The following L3MBTL4 variants were observed in gnomAD, a reference collection of about 807,000 sequenced individuals.
L3MBTL4 encodes L3MBTL histone methyl-lysine binding protein 4, also known as lethal(3)malignant brain tumor-like protein 4.
A neutral mutation model predicts 84.5 loss-of-function variants in L3MBTL4; 70 were observed. That is an observed-to-expected ratio of 0.83 (90% confidence interval 0.68 to 1.01). The LOEUF (loss-of-function observed/expected upper bound fraction) is 1.01. Ranked by LOEUF, L3MBTL4 falls within the 50% of genes least tolerant of loss-of-function variation. L3MBTL4 has a pLI of 0.00. For missense variants in L3MBTL4, 715 were observed against 754.8 expected (o/e 0.95, Z 0.62); for synonymous variants, 274 against 259.8 (o/e 1.05, Z -0.52).
intron 1 of L3MBTL4, among the ~76,000 whole-genome samples, chr18:6,389,371 T>C (rs1481468339): frequency 3.3e-5 from 5 of 152,050 alleles, no homozygotes. Context: ...TAAAAACCTG[T>C]AAAACAACAA....
intron 1 of L3MBTL4, among the ~76,000 whole-genome samples, chr18:6,379,228 G>A (rs569380579): frequency 8.3e-4 from 127 of 152,296 alleles, no homozygotes; most frequent in Middle Eastern, 6.8e-3. Flanking sequence ...CTGAGATCAT[G>A]GGGTTTTCTA....
intron 1 of L3MBTL4, among the ~76,000 whole-genome samples, chr18:6,407,411 G>T (rs2055781936): frequency 6.6e-6 from 1 of 152,110 alleles, no homozygotes; most frequent in Admixed American, 6.5e-5. Flanking sequence ...AAAAATCATT[G>T]TTCTAACCAT....
At chr18:5,962,708 C>T (rs188302840) in intron 17 of L3MBTL4, among the ~76,000 whole-genome samples, 1 of 152,198 alleles carries the variant, frequency 6.6e-6, no homozygotes, top group Non-Finnish European at 1.5e-5. Context: ...GACCACAGCG[C>T]TGCAGGAAGC....
intron 13 of L3MBTL4, among the ~76,000 whole-genome samples, chr18:6,149,393 G>C (rs1389552139): frequency 6.6e-6 from 1 of 151,648 alleles, no homozygotes; most frequent in Non-Finnish European, 1.5e-5. Flanking sequence ...ATTTTTTATG[G>C]CTGCATAGTA....
intron 13 of L3MBTL4, among the ~76,000 whole-genome samples, chr18:6,170,664 C>G (rs1255120266): frequency 6.6e-6 from 1 of 152,056 alleles, no homozygotes; most frequent in African/African-American, 2.4e-5. Context: ...CAATGCTGGT[C>G]CACGCCTACC....
intron 1 of L3MBTL4, among the ~76,000 whole-genome samples, chr18:6,384,574 A>C (rs1348193064): frequency 2.0e-5 from 3 of 152,246 alleles, no homozygotes; most frequent in Non-Finnish European, 4.4e-5. Context: ...TATTTCTAAC[A>C]ATGCCGCAAT....
At chr18:6,112,008 C>G (rs749140552) in intron 14 of L3MBTL4, among the ~76,000 whole-genome samples, 1 of 152,162 alleles carries the variant, frequency 6.6e-6, no homozygotes, top group Non-Finnish European at 1.5e-5. Flanking sequence ...AATCACCTTT[C>G]TACCCTCTGC....
chr18:6,361,334 A>G (rs1315253174), intron 1 of L3MBTL4, among the ~76,000 whole-genome samples: 1 of 152,156 alleles, frequency 6.6e-6, no homozygotes, highest in African/African-American at 2.4e-5. Context: ...TCTCTTGCCA[A>G]CATCTCTTTC....
intron 13 of L3MBTL4, among the ~76,000 whole-genome samples, chr18:6,170,785 G>A (rs1188573091): frequency 6.6e-6 from 1 of 152,096 alleles, no homozygotes; most frequent in Non-Finnish European, 1.5e-5. Context: ...ACATGCTGGG[G>A]TGTGAAACCA....
intron 17 of L3MBTL4, among the ~76,000 whole-genome samples, chr18:5,966,256 T>C (rs778676086): frequency 2.0e-5 from 3 of 152,226 alleles, no homozygotes; most frequent in Non-Finnish European, 2.9e-5. Flanking sequence ...TGGTGTCTAT[T>C]CTTATTGCAT....
chr18:6,157,366 T>C (rs1568218430), intron 13 of L3MBTL4, among the ~76,000 whole-genome samples: 2 of 152,194 alleles, frequency 1.3e-5, no homozygotes, highest in Non-Finnish European at 2.9e-5. Flanking sequence ...ATTAATTGCT[T>C]CACATCTGGC....
chr18:6,241,523 C>G, intron 7 of L3MBTL4, 74 bp from the exon 8 acceptor site: 1 of 816,128 alleles, frequency 1.2e-6, no homozygotes, highest in Non-Finnish European at 2.0e-6. Flanking sequence ...TAGGTTGGTG[C>G]AAAAGTAAGT....
intron 12 of L3MBTL4, among the ~76,000 whole-genome samples, chr18:6,180,413 C>G (rs533116942): frequency 1.3e-5 from 2 of 152,024 alleles, no homozygotes; most frequent in Non-Finnish European, 2.9e-5. Flanking sequence ...GTTTTGGAAC[C>G]GGCTGCCCCT....
At chr18:6,090,598 A>C (rs111782343) in intron 15 of L3MBTL4, among the ~76,000 whole-genome samples, 15 of 69,278 alleles carry the variant, frequency 2.2e-4, no homozygotes, top group African/African-American at 1.1e-3. Context: ...ATATATACAC[A>C]CACACACACA....
At chr18:6,003,648 G>A (rs1485780939) in intron 16 of L3MBTL4, among the ~76,000 whole-genome samples, 1 of 151,996 alleles carries the variant, frequency 6.6e-6, no homozygotes, top group Non-Finnish European at 1.5e-5. Context: ...TATATATTAA[G>A]CCACAAATCA....
chr18:6,074,318 CT>C (rs2057788099), intron 16 of L3MBTL4, among the ~76,000 whole-genome samples: 1 of 152,136 alleles, frequency 6.6e-6, no homozygotes, highest in African/African-American at 2.4e-5. Context: ...CTTTACTGTA[CT>C]TTCATATTTG....
chr18:6,309,911 C>A (rs771329282), intron 3 of L3MBTL4, among the ~76,000 whole-genome samples: 1 of 150,688 alleles, frequency 6.6e-6, no homozygotes, highest in Admixed American at 6.6e-5. Context: ...ACATGCTTAG[C>A]GGTAAGATGC....
At chr18:6,304,131 T>C (rs929786807) in intron 3 of L3MBTL4, among the ~76,000 whole-genome samples, 16 of 152,206 alleles carry the variant, frequency 1.1e-4, no homozygotes, top group African/African-American at 3.9e-4. Flanking sequence ...AACTAGTTTT[T>C]AACTGATGAA....
chr18:6,071,820 G>GAA, intron 16 of L3MBTL4, among the ~76,000 whole-genome samples: 1 of 124,432 alleles, frequency 8.0e-6, no homozygotes, highest in Non-Finnish European at 1.6e-5. Context: ...AGAAAGGAAA[G>GAA]AAAGAAAGAA....
Sources: allele counts gnomAD v4.1 joint callset (sites outside exome capture counted in the v4.1 genomes callset), GRCh38; gene constraint gnomAD v4.1.1; transcripts MANE v1.5; gene names NCBI Gene and HGNC (gene_info 2026-07-23, HGNC 2026-07-21).